Variants in PBRM1 observed in about 807,000 individuals in gnomAD.
PBRM1 encodes the protein protein polybromo-1.
PBRM1 carries 27 observed loss-of-function variants against 194.5 expected under a neutral mutation model. The ratio of observed to expected loss-of-function variants is 0.14; its 90% CI spans 0.10 to 0.19. PBRM1 has a LOEUF of 0.19. Among genes scored for constraint, PBRM1 ranks in the 10% least tolerant of loss-of-function variants. PBRM1 has a pLI of 1.00. For synonymous variants in PBRM1, 655 were observed against 693.2 expected (o/e 0.94, Z 0.87); for missense variants, 1,466 against 2,077.2 (o/e 0.71, Z 5.72).
At chr3:52,641,456 A>AG (rs1423666569) in intron 10 of PBRM1, among the ~76,000 whole-genome samples, 5 of 148,198 alleles carry the variant, frequency 3.4e-5, no homozygotes, top group African/African-American at 1.3e-4. Flanking sequence ...CAAAAAAAAA[A>AG]AAAAAAAGAA....
intron 1 of PBRM1, 123 bp downstream of exon 1, chr3:52,685,626 G>T: frequency 6.7e-6 from 1 of 148,854 alleles, no homozygotes; most frequent in South Asian, 2.1e-4. Context: ...CGCCCGGCCC[G>T]ACCCGCGCGT....
At chr3:52,622,101 A>G (rs534589765) in intron 13 of PBRM1, among the ~76,000 whole-genome samples, 9 of 152,176 alleles carry the variant, frequency 5.9e-5, no homozygotes, top group African/African-American at 2.2e-4. Flanking sequence ...GCACTGTGAG[A>G]GGCCGAGGCA....
chr3:52,557,356 C>T (rs779037346), intron 26 of PBRM1, among the ~76,000 whole-genome samples: 7 of 152,148 alleles, frequency 4.6e-5, no homozygotes, highest in Non-Finnish European at 1.0e-4. Context: ...AAAACAGCAT[C>T]CCAACAAGCC....
exon 27 of PBRM1, chr3:52,554,866 G>T (rs1474980154): frequency 6.2e-7 from 1 of 1,607,264 alleles, no homozygotes; most frequent in Non-Finnish European, 8.5e-7. Context: ...CTGGCGGATA[G>T]CCACCCATCA....
At chr3:52,607,081 T>G (rs1323589765) in intron 16 of PBRM1, among the ~76,000 whole-genome samples, 2 of 152,208 alleles carry the variant, frequency 1.3e-5, no homozygotes, top group East Asian at 3.8e-4. Flanking sequence ...TAGACTTCAT[T>G]GAATTTATGA....
At chr3:52,584,965 T>C (rs765206766) in intron 20 of PBRM1, among the ~76,000 whole-genome samples, 1 of 151,988 alleles carries the variant, frequency 6.6e-6, no homozygotes, top group Non-Finnish European at 1.5e-5. Flanking sequence ...TTGAAAGTCT[T>C]AAAAAAAATC....
chr3:52,681,747 T>A, upstream of PBRM1: 1 of 1,017,590 alleles, frequency 9.8e-7, no homozygotes, highest in Non-Finnish European at 1.2e-6. Context: ...CCTCATTATG[T>A]CTGAAAGCCA....
intron 17 of PBRM1, among the ~76,000 whole-genome samples, chr3:52,589,975 T>G (rs971909030): frequency 6.6e-6 from 1 of 151,852 alleles, no homozygotes; most frequent in Non-Finnish European, 1.5e-5. Flanking sequence ...ATTACAGGCA[T>G]GCACCACCAC....
chr3:52,626,396 C>T (rs1016895231), intron 13 of PBRM1, among the ~76,000 whole-genome samples: 2 of 152,214 alleles, frequency 1.3e-5, no homozygotes, highest in African/African-American at 4.8e-5. Context: ...TTAAATTCTT[C>T]TTAGTGGATC....
rs1440617183 is a variant in PBRM1 at position 52,609,737 on chromosome 3, C to T, written c.2143G>A (p.Ala715Thr). The change falls in exon 16 of 30, where the codon GCC becomes ACC. Residue 715 changes from alanine to threonine, a missense_variant. Physicochemically the swap from Ala to Thr is moderately conservative, Grantham distance 58. Coordinates refer to ENST00000296302, the Ensembl canonical transcript of PBRM1. This position sits in a 1 kb window ranked among gnomAD's most constrained non-coding sequence, Gnocchi z 4.1. ...GAGTCAATATCTTGGTACTTGTTGGCCATCATGTGACTTCGAATTTTTTCC... is the reference window on the plus strand; with the variant it reads ...GAGTCAATATCTTGGTACTTGTTGGTCATCATGTGACTTCGAATTTTTTCC... 1.9e-6 allele frequency: 3 copies of T among 1,607,864 alleles called. No homozygotes were observed. The highest frequency in any genetic ancestry group is 1.7e-6 in the Non-Finnish European group (2 of 1,177,740).
At chr3:52,645,501 C>T (rs1393330231) in intron 7 of PBRM1, among the ~76,000 whole-genome samples, 1 of 150,336 alleles carries the variant, frequency 6.7e-6, no homozygotes, top group Non-Finnish European at 1.5e-5. Context: ...GCAATCTCAG[C>T]ATACCTTTTT....
At chr3:52,610,224 C>T (rs1313629282) in intron 15 of PBRM1, among the ~76,000 whole-genome samples, 1 of 152,172 alleles carries the variant, frequency 6.6e-6, no homozygotes, top group Admixed American at 6.5e-5. Context: ...ATGTGACATT[C>T]TATCACCTCT....
intron 16 of PBRM1, among the ~76,000 whole-genome samples, chr3:52,608,087 G>A (rs2094440168): frequency 1.3e-5 from 2 of 152,158 alleles, no homozygotes; most frequent in Admixed American, 6.5e-5. Context: ...TAAATATAAG[G>A]TTGTGGCATG....
chr3:52,567,565 CA>C lies in PBRM1; in HGVS notation c.3692-3333del, dbSNP rs10644120. 4.7e-3 allele frequency among the ~76,000 whole-genome samples: 433 copies of C among 91,688 alleles called. 2 individuals carry two copies. The highest frequency in any genetic ancestry group is 0.022 in the Middle Eastern group (4 of 186). 60.2% of individuals were successfully genotyped at this position (91,688 alleles called of 152,430 possible). ...TCTTTGACAATTTGATAGGTAATCT[CA>C]AAAAAAAAAAAAAAAGAAAAAAGAA... On this transcript the variant is annotated intron_variant, in intron 22 of 29. Transcript: ENST00000296302.
intron 17 of PBRM1, among the ~76,000 whole-genome samples, chr3:52,597,322 T>C (rs1246935482): frequency 6.6e-6 from 1 of 151,964 alleles, no homozygotes; most frequent in Non-Finnish European, 1.5e-5. Flanking sequence ...AATTTGGTGT[T>C]CCTGTGGGGA....
At chr3:52,600,115 T>C (rs959517531) in intron 17 of PBRM1, among the ~76,000 whole-genome samples, 22 of 152,188 alleles carry the variant, frequency 1.4e-4, no homozygotes, top group African/African-American at 5.3e-4. Flanking sequence ...AGTCAGGGTA[T>C]TTGGGGTAAC....
In PBRM1 at chr3:52,564,033, A is replaced by G. The variant is rs772080253; in HGVS notation, c.3875+17T>C. Reference sequence around the variant, plus strand: ...TAATGGAAGTGCTCTTTTTTCCTTAAGTTTTTCAAGCTTTACCTGAAGTAG... The same window carrying G: ...TAATGGAAGTGCTCTTTTTTCCTTAGGTTTTTCAAGCTTTACCTGAAGTAG... On this transcript the variant is annotated intron_variant, in intron 23 of 29. Transcript: ENST00000296302. 2 of 1,577,402 alleles carry G rather than the reference A, an allele frequency of 1.3e-6. No individual in the cohort carries two copies. Among genetic ancestry groups the G allele is most frequent in the Non-Finnish European group, 1.7e-6 (2 of 1,157,606 alleles).
intron 16 of PBRM1, among the ~76,000 whole-genome samples, chr3:52,607,925 A>G (rs1005085007): frequency 2.3e-4 from 35 of 152,188 alleles, no homozygotes; most frequent in African/African-American, 8.0e-4. Flanking sequence ...TCTCTTAAAC[A>G]TATCATATTC....
chr3:52,550,621 G>A (rs753421798), exon 29 of PBRM1: 79 of 1,526,306 alleles, frequency 5.2e-5, no homozygotes, highest in Admixed American at 1.1e-4. Flanking sequence ...CTGCCCTGGA[G>A]GCCCCAAAAC....
Sources: gnomAD v4.1 joint callset for allele counts (sites outside exome capture counted in the v4.1 genomes callset) on GRCh38, gnomAD v4.1.1 for gene constraint, Gnocchi (gnomAD v3.1) non-coding constraint, MANE v1.5 for transcripts, NCBI Gene and HGNC (gene_info 2026-07-23, HGNC 2026-07-21) for gene names.